The following MAGI2 variants were observed in gnomAD, a reference collection of about 807,000 sequenced individuals.
The protein encoded by MAGI2 is membrane associated guanylate kinase, WW and PDZ domain containing 2.
Under a neutral mutation model 133.3 loss-of-function variants are expected in MAGI2, and 35 were observed. The ratio of observed to expected loss-of-function variants is 0.26; its 90% CI spans 0.20 to 0.35. The LOEUF is 0.35. MAGI2 is among the 10% of genes least tolerant of loss of function. The pLI, the probability that MAGI2 is intolerant of heterozygous loss-of-function variation, is 1.00. For synonymous variants in MAGI2, 729 were observed against 710.6 expected (o/e 1.03, Z -0.41); for missense variants, 1,636 against 1,863.4 (o/e 0.88, Z 2.25).
intron 2 of MAGI2, among the ~76,000 whole-genome samples, chr7:78,648,559 T>C (rs1310394860): frequency 6.6e-6 from 1 of 152,206 alleles, no homozygotes; most frequent in African/African-American, 2.4e-5. Context: ...CTCTCAACTT[T>C]GGCTACACAT....
intron 21 of MAGI2, among the ~76,000 whole-genome samples, chr7:78,035,558 T>C (rs1331594616): frequency 6.6e-6 from 1 of 152,172 alleles, no homozygotes; most frequent in East Asian, 1.9e-4. Flanking sequence ...CCTCAGTGTT[T>C]TTTCAGAACG....
chr7:78,911,458 C>T (rs942866047), intron 2 of MAGI2, among the ~76,000 whole-genome samples: 11 of 152,060 alleles, frequency 7.2e-5, no homozygotes, highest in Admixed American at 2.6e-4. Flanking sequence ...GGAACTTGTT[C>T]GCCCCTTCCA....
intron 1 of MAGI2, among the ~76,000 whole-genome samples, chr7:79,066,929 T>C (rs1412052731): frequency 6.6e-6 from 1 of 151,978 alleles, no homozygotes; most frequent in Non-Finnish European, 1.5e-5. Flanking sequence ...AGATGTGTGG[T>C]GTTATTTCTG....
At chr7:79,401,225 T>C (rs1279691082) in intron 1 of MAGI2, among the ~76,000 whole-genome samples, 2 of 152,318 alleles carry the variant, frequency 1.3e-5, no homozygotes, top group African/African-American at 4.8e-5. Context: ...ACATGCCACA[T>C]GCAATCTTTT....
chr7:78,944,138 T>C (rs1801210695), intron 2 of MAGI2, among the ~76,000 whole-genome samples: 1 of 152,166 alleles, frequency 6.6e-6, no homozygotes, highest in Non-Finnish European at 1.5e-5. Flanking sequence ...TTAGACAATA[T>C]GGTAGGTTCT....
intron 2 of MAGI2, among the ~76,000 whole-genome samples, chr7:78,639,866 C>A (rs1297876796): frequency 6.6e-6 from 1 of 152,158 alleles, no homozygotes; most frequent in African/African-American, 2.4e-5. Flanking sequence ...AGAAAAGTGA[C>A]TTGTTCAAAT....
chr7:78,521,237 T>A lies in MAGI2; in HGVS notation c.754+193A>T, dbSNP rs62468574. 0.076 allele frequency among the ~76,000 whole-genome samples: 11,611 copies of A among 152,130 alleles called. 558 individuals are homozygous for A. Among genetic ancestry groups the A allele is most frequent in the Non-Finnish European group, 0.11 (7,586 of 67,962 alleles). On this transcript the variant is annotated intron_variant, in intron 4 of 21. Coordinates refer to ENST00000354212, the MANE Select transcript of MAGI2 (RefSeq NM_012301.4). ...TTCTTTAATTCCATGTCCTTTCCAT[T>A]TGATATCATAATCTTCTCTCTTTGA... is the stretch of plus-strand genomic sequence containing the variant.
At chr7:78,861,048 A>G (rs1794117649) in intron 2 of MAGI2, among the ~76,000 whole-genome samples, 2 of 152,182 alleles carry the variant, frequency 1.3e-5, no homozygotes, top group East Asian at 1.9e-4. Context: ...CAAGCCATGC[A>G]TGGGATATAA....
At chr7:78,702,819 C>G (rs1333906513) in intron 2 of MAGI2, among the ~76,000 whole-genome samples, 1 of 151,910 alleles carries the variant, frequency 6.6e-6, no homozygotes, top group African/African-American at 2.4e-5. Flanking sequence ...CAATTTTGGA[C>G]ACAGAGTGTT....
rs150562716 is a variant in MAGI2 at position 78,830,714 on chromosome 7, A to G, written c.418+176376T>C. Among the ~76,000 whole-genome samples the G allele has an allele frequency of 9.5e-3, 1,453 of 152,320 alleles. 10 individuals carry two copies. Among genetic ancestry groups the G allele is most frequent in the Non-Finnish European group, 0.014 (952 of 68,024 alleles). On this transcript the variant is annotated intron_variant, in intron 2 of 21. Transcript: ENST00000354212. ...AGCTTGGAACTTAGAGTGTGATTCA[A>G]GAATGCTAAGTGAAGAAAGGATTGC...
chr7:79,176,160 A>G (rs190615741), intron 1 of MAGI2, among the ~76,000 whole-genome samples: 2 of 152,116 alleles, frequency 1.3e-5, no homozygotes, highest in East Asian at 1.9e-4. Flanking sequence ...CATATTGCAT[A>G]TGCATGTGGT....
chr7:79,318,431 A>G lies in MAGI2; in HGVS notation c.301+134589T>C, dbSNP rs1466737884. 2.0e-5 allele frequency among the ~76,000 whole-genome samples: 3 copies of G among 152,342 alleles called. No individual in the cohort carries two copies. The South Asian group carries it at 6.2e-4, about 32-fold the overall frequency. On this transcript the variant is annotated intron_variant, in intron 1 of 21. Coordinates refer to ENST00000354212, the MANE Select transcript of MAGI2 (RefSeq NM_012301.4). ...ACAATGTAAGTTGATTGATAGATAA[A>G]TGGAATAAAATTCCTTTTGTGGAAT...
chr7:78,658,282 T>C (rs955621854), intron 2 of MAGI2, among the ~76,000 whole-genome samples: 6 of 120,554 alleles, frequency 5.0e-5, no homozygotes, highest in Non-Finnish European at 9.3e-5. Context: ...AGGCAAAAAG[T>C]GGTTTTTAAA....
At chr7:79,032,192 T>C (rs1810651824) in intron 1 of MAGI2, among the ~76,000 whole-genome samples, 1 of 152,176 alleles carries the variant, frequency 6.6e-6, no homozygotes, top group Non-Finnish European at 1.5e-5. Flanking sequence ...TAAACAAATA[T>C]TCTCTGTCAT....
chr7:79,217,607 C>T (rs1401536687), intron 1 of MAGI2, among the ~76,000 whole-genome samples: 1 of 151,834 alleles, frequency 6.6e-6, no homozygotes, highest in African/African-American at 2.4e-5. Flanking sequence ...GAATGTAAAC[C>T]AGGCAAAGTA....
At chr7:78,109,080 G>A (rs1030304732) in intron 20 of MAGI2, among the ~76,000 whole-genome samples, 8 of 151,456 alleles carry the variant, frequency 5.3e-5, no homozygotes, top group Admixed American at 2.0e-4. Flanking sequence ...CGAGGCGGGC[G>A]GATCACGAGG....
intron 1 of MAGI2, among the ~76,000 whole-genome samples, chr7:79,255,037 C>G (rs1833583889): frequency 6.6e-6 from 1 of 152,292 alleles, no homozygotes; most frequent in Non-Finnish European, 1.5e-5. Flanking sequence ...TTTAATACTT[C>G]TCAAATTATT....
At chr7:78,708,823 A>C (rs986771848) in intron 2 of MAGI2, among the ~76,000 whole-genome samples, 1 of 151,512 alleles carries the variant, frequency 6.6e-6, no homozygotes, top group African/African-American at 2.4e-5. Context: ...TATCAGAGGC[A>C]AATGTCAAGG....
At chr7:79,276,800 C>CA (rs1232241153) in intron 1 of MAGI2, among the ~76,000 whole-genome samples, 1 of 151,894 alleles carries the variant, frequency 6.6e-6, no homozygotes, top group Non-Finnish European at 1.5e-5. Context: ...CTCATCTTTA[C>CA]AAAAAAATTC....
Sources: allele counts gnomAD v4.1 joint callset (sites outside exome capture counted in the v4.1 genomes callset), GRCh38; gene constraint gnomAD v4.1.1; transcripts MANE v1.5; gene names NCBI Gene and HGNC (gene_info 2026-07-23, HGNC 2026-07-21).